The following UNC5B variants were observed in gnomAD, a reference collection of about 807,000 sequenced individuals.
UNC5B encodes netrin receptor UNC5B.
A neutral mutation model predicts 103.7 loss-of-function variants in UNC5B; 56 were observed. The observed-to-expected ratio is 0.54, with a 90% CI of 0.44 to 0.67. UNC5B has a LOEUF of 0.67. UNC5B is among the 30% of genes least tolerant of loss of function. The probability of loss-of-function intolerance (pLI) is 0.00; values close to 1 mark genes in which losing one functional copy is unlikely to be tolerated. For synonymous variants in UNC5B, 577 were observed against 542.0 expected (o/e 1.06, Z -0.90); for missense variants, 1,194 against 1,284.5 (o/e 0.93, Z 1.08).
chr10:71,241,644 C>T (rs191048906), intron 1 of UNC5B, among the ~76,000 whole-genome samples: 6 of 152,098 alleles, frequency 3.9e-5, no homozygotes, highest in African/African-American at 9.6e-5. Context: ...ACTGGCACCA[C>T]GACAGAAGGC....
intron 1 of UNC5B, among the ~76,000 whole-genome samples, chr10:71,272,060 G>A (rs1844658954): frequency 3.3e-5 from 5 of 152,200 alleles, no homozygotes; most frequent in Admixed American, 3.3e-4. Flanking sequence ...GTCCTTCCAT[G>A]TGAGGTTGTG....
chr10:71,260,011 G>T (rs1279033659), intron 1 of UNC5B, among the ~76,000 whole-genome samples: 2 of 152,302 alleles, frequency 1.3e-5, no homozygotes, highest in East Asian at 3.9e-4. Flanking sequence ...GGACAAACAA[G>T]CCAACTGCCA....
chr10:71,266,374 G>C (rs774972151), intron 1 of UNC5B, among the ~76,000 whole-genome samples: 1 of 152,092 alleles, frequency 6.6e-6, no homozygotes, highest in East Asian at 1.9e-4. Flanking sequence ...GCCCTCTCAC[G>C]GTGTCCTCAG....
In UNC5B at chr10:71,285,800, C is replaced by T. The variant is rs1158947094; in HGVS notation, c.552+371C>T. On this transcript the variant is annotated intron_variant, in intron 4 of 16. Coordinates refer to ENST00000335350, the MANE Select transcript of UNC5B (RefSeq NM_170744.5). ...TCATGCGTGTGTGTGAGTGTGTTCT[C>T]CCCCACGAGCTGATCACCCCTTCCT... 2.0e-5 allele frequency among the ~76,000 whole-genome samples: 3 copies of T among 152,174 alleles called. No homozygotes were observed. In the East Asian group the frequency reaches 5.8e-4, roughly 29 times the overall value.
At chr10:71,288,239 G>A (rs1845145187) in intron 6 of UNC5B, among the ~76,000 whole-genome samples, 1 of 152,192 alleles carries the variant, frequency 6.6e-6, no homozygotes, top group Non-Finnish European at 1.5e-5. Flanking sequence ...CCCTTGGGTT[G>A]TATGTTTGTG....
At position 71,299,348 on chromosome 10, in the gene UNC5B, A is replaced by T; in HGVS notation, c.*71A>T. 1.9e-6 allele frequency: 3 copies of T among 1,575,432 alleles called. No homozygotes were observed. Among genetic ancestry groups the T allele is most frequent in the South Asian group, 1.2e-5 (1 of 86,668 alleles). On this transcript the variant is annotated 3_prime_UTR_variant, in exon 17 of 17. Coordinates refer to ENST00000335350, the MANE Select transcript of UNC5B (RefSeq NM_170744.5). ...CAGGGAGGCCTGGGGCAGCCTCCTG[A>T]TGGGGATGTTTGGCCTCTGCTTCCT... is the stretch of plus-strand genomic sequence containing the variant.
At chr10:71,272,404 GC>G (rs779865380) in intron 1 of UNC5B, among the ~76,000 whole-genome samples, 5 of 152,174 alleles carry the variant, frequency 3.3e-5, no homozygotes, top group Non-Finnish European at 7.4e-5. Flanking sequence ...ACAAAAGCCA[GC>G]GGTGGGGGTT....
At chr10:71,239,223 G>T (rs1211810989) in intron 1 of UNC5B, among the ~76,000 whole-genome samples, 1 of 152,176 alleles carries the variant, frequency 6.6e-6, no homozygotes, top group Admixed American at 6.5e-5. Context: ...GCTTACTTGC[G>T]TTGGGATGGC....
Position 71,290,620 on chromosome 10 carries a change from A to T in UNC5B, c.1100-295A>T, listed in dbSNP as rs1202740235. ...TAGCCCCAGTGACTCTGAGCCACAG[A>T]CCCTGTCTCATCAGCAGCAAGCAAT... On this transcript the variant is annotated intron_variant, in intron 8 of 16. Transcript: ENST00000335350. Among the ~76,000 whole-genome samples the T allele has an allele frequency of 4.6e-5, 7 of 152,152 alleles. No individual in the cohort carries two copies. In the East Asian group the frequency reaches 1.3e-3, roughly 29 times the overall value.
At chr10:71,248,877 A>T (rs1473234761) in intron 1 of UNC5B, among the ~76,000 whole-genome samples, 9 of 113,798 alleles carry the variant, frequency 7.9e-5, no homozygotes, top group African/African-American at 2.8e-4. Flanking sequence ...TCACACACAC[A>T]CACACACACA....
intron 1 of UNC5B, among the ~76,000 whole-genome samples, chr10:71,226,983 C>CTTTT (rs34048995): frequency 1.4e-5 from 2 of 142,694 alleles, no homozygotes; most frequent in Admixed American, 7.0e-5. Flanking sequence ...GACCATTCTT[C>CTTTT]TTTTTTTTTT....
At chr10:71,228,857 A>G (rs1204317453) in intron 1 of UNC5B, among the ~76,000 whole-genome samples, 2 of 152,182 alleles carry the variant, frequency 1.3e-5, no homozygotes, top group Non-Finnish European at 2.9e-5. Flanking sequence ...GGGGCTCAGG[A>G]AAGTGAAGTG....
At chr10:71,292,707 C>A (rs1011245545) in intron 11 of UNC5B, among the ~76,000 whole-genome samples, 153 bp downstream of exon 11, 8 of 152,170 alleles carry the variant, frequency 5.3e-5, no homozygotes, top group African/African-American at 1.4e-4. Context: ...ACTTGCAGAA[C>A]CAACACCGTA....
At chr10:71,246,882 G>A (rs375791588) in intron 1 of UNC5B, among the ~76,000 whole-genome samples, 38 of 152,278 alleles carry the variant, frequency 2.5e-4, no homozygotes, top group African/African-American at 8.2e-4. Context: ...TAAACACTCC[G>A]GGTTCACGGT....
chr10:71,235,250 C>A (rs765494302), intron 1 of UNC5B, among the ~76,000 whole-genome samples: 46 of 152,208 alleles, frequency 3.0e-4, no homozygotes, highest in Non-Finnish European at 5.9e-4. Flanking sequence ...AGGGAAGGGG[C>A]CCAGACCACA....
At chr10:71,223,986 G>A (rs1843505137) in intron 1 of UNC5B, among the ~76,000 whole-genome samples, 1 of 152,170 alleles carries the variant, frequency 6.6e-6, no homozygotes, top group Non-Finnish European at 1.5e-5. Flanking sequence ...GACTCTGGGT[G>A]GCATCATGTC....
chr10:71,274,186 C>A (rs1301041983), intron 1 of UNC5B, among the ~76,000 whole-genome samples: 7 of 151,836 alleles, frequency 4.6e-5, no homozygotes, highest in Admixed American at 3.9e-4. Context: ...GATAGTGAAA[C>A]CCTGTCTCTA....
intron 1 of UNC5B, among the ~76,000 whole-genome samples, chr10:71,255,550 G>A (rs916677466): frequency 2.0e-5 from 3 of 152,152 alleles, no homozygotes; most frequent in Admixed American, 1.3e-4. Context: ...AAACACCCCC[G>A]GGCTTTAGGG....
chr10:71,221,154 C>G (rs1843444675), intron 1 of UNC5B, among the ~76,000 whole-genome samples: 1 of 152,208 alleles, frequency 6.6e-6, no homozygotes, highest in African/African-American at 2.4e-5. Flanking sequence ...CTGGGTGTCT[C>G]TCTCACCGAA....
Sources: allele counts gnomAD v4.1 joint callset (sites outside exome capture counted in the v4.1 genomes callset), GRCh38; gene constraint gnomAD v4.1.1; transcripts MANE v1.5; gene names NCBI Gene and HGNC (gene_info 2026-07-23, HGNC 2026-07-21).